The following ROR2 variants were observed in gnomAD, a reference collection of about 807,000 sequenced individuals.
The protein encoded by ROR2 is tyrosine-protein kinase transmembrane receptor ROR2.
ROR2 carries 33 observed loss-of-function variants against 74.9 expected under a neutral mutation model. The observed-to-expected ratio is 0.44, with a 90% CI of 0.33 to 0.59. The LOEUF (loss-of-function observed/expected upper bound fraction) is 0.59. ROR2 is among the 20% of genes least tolerant of loss of function. The probability of loss-of-function intolerance (pLI) is 0.02; values close to 1 mark genes in which losing one functional copy is unlikely to be tolerated. For missense variants in ROR2, 1,216 were observed against 1,313.8 expected (o/e 0.93, Z 1.15); for synonymous variants, 586 against 558.7 (o/e 1.05, Z -0.69).
At chr9:91,742,561 G>A (rs1825288569) in intron 4 of ROR2, among the ~76,000 whole-genome samples, 2 of 152,228 alleles carry the variant, frequency 1.3e-5, no homozygotes, top group Admixed American at 6.5e-5. Flanking sequence ...GTGCAGCCAT[G>A]CACCACATAA....
At chr9:91,901,652 C>G (rs547008070) in intron 1 of ROR2, among the ~76,000 whole-genome samples, 2 of 152,030 alleles carry the variant, frequency 1.3e-5, no homozygotes, top group Admixed American at 1.3e-4. Context: ...CCCATCTCTA[C>G]TAAAAATACA....
intron 1 of ROR2, among the ~76,000 whole-genome samples, chr9:91,833,435 T>A (rs1223960150): frequency 6.6e-6 from 1 of 152,206 alleles, no homozygotes. Context: ...ATGGCGGCCA[T>A]GTCCTTTCAG....
intron 1 of ROR2, among the ~76,000 whole-genome samples, chr9:91,811,377 CA>C (rs1827746521): frequency 6.6e-6 from 1 of 152,238 alleles, no homozygotes; most frequent in Non-Finnish European, 1.5e-5. Flanking sequence ...GCCACTGCCC[CA>C]GGTCCGCCCC....
rs371528214 is a variant in ROR2, at chr9:91,723,625, G to A, written c.*37C>T. On this transcript the variant is annotated 3_prime_UTR_variant, in exon 9 of 9. Transcript: ENST00000375708. ...ACTGAGGTCCCTGTGGGGTCTCGGC[G>A]GGGCTTCTATCCCCGAACCCCGGGC... is the stretch of plus-strand genomic sequence containing the variant. 22 of 1,609,020 alleles carry A rather than the reference G, an allele frequency of 1.4e-5. No homozygotes were observed. Among genetic ancestry groups the A allele is most frequent in the East Asian group, 6.7e-5 (3 of 44,872 alleles).
intron 4 of ROR2, among the ~76,000 whole-genome samples, chr9:91,738,470 C>A (rs1226940328): frequency 6.6e-6 from 1 of 152,164 alleles, no homozygotes; most frequent in Non-Finnish European, 1.5e-5. Flanking sequence ...ACGTGTTTCA[C>A]CTTACCCTTG....
intron 1 of ROR2, among the ~76,000 whole-genome samples, chr9:91,842,114 A>G (rs1215673748): frequency 6.6e-6 from 1 of 152,226 alleles, no homozygotes; most frequent in Non-Finnish European, 1.5e-5. Context: ...AGTGCAGAAT[A>G]AAGAAGAGAG....
chr9:91,857,347 G>A (rs953701243), intron 1 of ROR2, among the ~76,000 whole-genome samples: 5 of 152,046 alleles, frequency 3.3e-5, no homozygotes, highest in African/African-American at 9.7e-5. Context: ...GGGCCTCGCC[G>A]CCCCGCCACT....
At chr9:91,920,709 G>T (rs1831242659) in intron 1 of ROR2, among the ~76,000 whole-genome samples, 1 of 152,180 alleles carries the variant, frequency 6.6e-6, no homozygotes, top group African/African-American at 2.4e-5. Flanking sequence ...TCTGGGGTGT[G>T]AAGCAGATAA....
At position 91,818,159 on chromosome 9, in the gene ROR2, C is replaced by G. The variant is rs184884369; in HGVS notation, c.98-42341G>C. 4.6e-5 allele frequency among the ~76,000 whole-genome samples: 7 copies of G among 152,264 alleles called. No individual in the cohort carries two copies. In the East Asian group the frequency reaches 9.6e-4, roughly 21 times the overall value. ...ACAGCCTCAAAGTTTGACTTCTTTCCAAGAACATGGACCAACATTTGTATA... is the reference window on the plus strand; with the variant it reads ...ACAGCCTCAAAGTTTGACTTCTTTCGAAGAACATGGACCAACATTTGTATA... On this transcript the variant is annotated intron_variant, in intron 1 of 8. Transcript: ENST00000375708.
intron 1 of ROR2, among the ~76,000 whole-genome samples, chr9:91,892,921 G>A (rs1830458126): frequency 6.6e-6 from 1 of 152,118 alleles, no homozygotes; most frequent in Non-Finnish European, 1.5e-5. Flanking sequence ...CTATCCTTGT[G>A]AGGGCCTGGG....
intron 2 of ROR2, among the ~76,000 whole-genome samples, chr9:91,763,370 T>TAA (rs539924945): frequency 9.2e-5 from 14 of 152,322 alleles, no homozygotes; most frequent in Admixed American, 7.8e-4. Flanking sequence ...TGTGGTGTCA[T>TAA]AGAGTCTTGA....
At chr9:91,782,164 C>T (rs935453270) in intron 1 of ROR2, among the ~76,000 whole-genome samples, 4 of 152,248 alleles carry the variant, frequency 2.6e-5, no homozygotes, top group Admixed American at 2.6e-4. Flanking sequence ...AGGTCCCCTC[C>T]CTGTGACAGG....
intron 2 of ROR2, among the ~76,000 whole-genome samples, chr9:91,758,835 G>A (rs7872865): frequency 0.13 from 19,309 of 152,270 alleles, 1,419 homozygotes; most frequent in African/African-American, 0.19. Flanking sequence ...GCCTGCACAC[G>A]CAGGTGTGTG....
chr9:91,806,620 C>T (rs1254474324), intron 1 of ROR2, among the ~76,000 whole-genome samples: 4 of 152,130 alleles, frequency 2.6e-5, no homozygotes, highest in African/African-American at 7.2e-5. Flanking sequence ...GACAGAGTCT[C>T]GCTCTGTCGC....
chr9:91,851,937 T>C (rs919638037), intron 1 of ROR2, among the ~76,000 whole-genome samples: 1 of 150,702 alleles, frequency 6.6e-6, no homozygotes, highest in African/African-American at 2.5e-5. Flanking sequence ...GATGGCACCA[T>C]TGCACGCCAG....
chr9:91,915,757 T>C (rs1354636424), intron 1 of ROR2, among the ~76,000 whole-genome samples: 1 of 152,188 alleles, frequency 6.6e-6, no homozygotes, highest in East Asian at 1.9e-4. Context: ...TGCTGATTGG[T>C]ATGTTTTTAC....
At chr9:91,751,669 TA>T (rs1825598909) in intron 4 of ROR2, among the ~76,000 whole-genome samples, 1 of 152,174 alleles carries the variant, frequency 6.6e-6, no homozygotes, top group South Asian at 2.1e-4. Context: ...CTCATGTGGA[TA>T]AAAAATATAT....
At chr9:91,765,157 C>G (rs965874343) in intron 2 of ROR2, among the ~76,000 whole-genome samples, 12 of 152,220 alleles carry the variant, frequency 7.9e-5, no homozygotes, top group African/African-American at 2.9e-4. Flanking sequence ...TGGTTTTCCT[C>G]ATATGATAAT....
chr9:91,795,816 A>G (rs1167040450), intron 1 of ROR2, among the ~76,000 whole-genome samples: 1 of 152,194 alleles, frequency 6.6e-6, no homozygotes, highest in African/African-American at 2.4e-5. Context: ...TGTCTGAACA[A>G]CCAAATAGCA....
Sources: allele counts gnomAD v4.1 joint callset (sites outside exome capture counted in the v4.1 genomes callset), GRCh38; gene constraint gnomAD v4.1.1; transcripts MANE v1.5; gene names NCBI Gene and HGNC (gene_info 2026-07-23, HGNC 2026-07-21).